Variants in SEC22B observed in about 807,000 individuals in gnomAD.
SEC22B encodes SEC22 homolog B, vesicle trafficking protein, also known as vesicle-trafficking protein SEC22b.
A neutral mutation model predicts 31.4 loss-of-function variants in SEC22B; 10 were observed. The observed-to-expected ratio is 0.32, with a 90% CI of 0.20 to 0.54. The LOEUF is 0.54. SEC22B is among the 20% of genes least tolerant of loss of function. The pLI is 0.94. For missense variants in SEC22B, 130 were observed against 263.4 expected, an observed-to-expected ratio of 0.49 and a Z score of 3.50; for synonymous variants, 60 against 95.9, an observed-to-expected ratio of 0.63 and a Z score of 2.19.
Position 120,161,224 on chromosome 1 carries a change from G to A in SEC22B, c.347-694C>T, listed in dbSNP as rs1557893802. On this transcript the variant is annotated intron_variant, in intron 3 of 4. Coordinates refer to ENST00000578049, the MANE Select transcript of SEC22B (RefSeq NM_004892.6). ...ACCTCTACACATTCCTTAAAAGGAT[G>A]CTGGTAACACTCTAGCATTATTACA... 2.0e-5 allele frequency among the ~76,000 whole-genome samples: 3 copies of A among 152,148 alleles called. No homozygotes were observed. In the South Asian group the frequency reaches 6.2e-4, roughly 32 times the overall value.
Position 120,176,494 on chromosome 1 carries a change from G to T in SEC22B, c.-113C>A. The stretch of plus-strand genomic sequence containing the variant: ...TGTCTCAGTTACCGGAGATCCAGCT[G>T]CTTGCGTCTCCGCTTCCCGCTGAGG... On this transcript the variant is annotated 5_prime_UTR_variant, in exon 1 of 5. Transcript: ENST00000578049. 6 of 935,578 alleles carry T rather than the reference G, an allele frequency of 6.4e-6. No individual in the cohort carries two copies. Among genetic ancestry groups the T allele is most frequent in the East Asian group, 2.7e-5 (1 of 36,468 alleles). The allele number at this position is 935,578 out of a possible 1,614,324, so 58.0% of individuals were successfully genotyped here.
chr1:120,167,742 C>T (rs1657834702), intron 2 of SEC22B, among the ~76,000 whole-genome samples: 1 of 151,958 alleles, frequency 6.6e-6, no homozygotes, highest in Non-Finnish European at 1.5e-5. Context: ...CTTAATAGCT[C>T]TTGGATGGAA....
In SEC22B at chr1:120,150,969, A is replaced by T. The variant is rs1207921307; in HGVS notation, c.*6069T>A. On this transcript the variant is annotated 3_prime_UTR_variant, in exon 5 of 5. Coordinates refer to ENST00000578049, the MANE Select transcript of SEC22B (RefSeq NM_004892.6). ...CAACTCACTCTCTTGGGAACTAACC[A>T]TTCCCAGGAGAACCCAGTCTCAGTG... The T allele has an allele frequency of 2.0e-5, 3 of 152,200 alleles. No homozygotes were observed. The highest frequency in any genetic ancestry group is 4.4e-5 in the Non-Finnish European group (3 of 68,018). 9.4% of individuals were successfully genotyped at this position (152,200 alleles called of 1,614,324 possible). A position where few individuals can be genotyped will look rare whatever the true frequency, so the allele number is the denominator to read the frequency against.
chr1:120,163,720 C>T (rs1347388920), intron 2 of SEC22B, among the ~76,000 whole-genome samples: 11 of 151,818 alleles, frequency 7.2e-5, no homozygotes, highest in Admixed American at 2.6e-4. Context: ...GGACTACAGG[C>T]GTGCGCCACT....
At chr1:120,163,934 C>T (rs1657760542) in intron 2 of SEC22B, among the ~76,000 whole-genome samples, 1 of 140,744 alleles carries the variant, frequency 7.1e-6, no homozygotes, top group Non-Finnish European at 1.5e-5. Context: ...ATTTTTCATC[C>T]ATTAGATTCT....
intron 1 of SEC22B, among the ~76,000 whole-genome samples, chr1:120,176,087 A>G (rs1403218059): frequency 2.0e-5 from 3 of 152,194 alleles, no homozygotes; most frequent in Non-Finnish European, 2.9e-5. Context: ...GCGTTTTTCT[A>G]AAGAGAAACA....
At position 120,163,386 on chromosome 1, in the gene SEC22B, A is replaced by C. The variant is rs1657750842; in HGVS notation, c.186-16T>G. 45 of 1,508,954 alleles carry C rather than the reference A, an allele frequency of 3.0e-5. No individual in the cohort carries two copies. Among genetic ancestry groups the C allele is most frequent in the Non-Finnish European group, 3.9e-5 (44 of 1,124,012 alleles). The allele number at this position is 1,508,954 out of a possible 1,614,324, so 93.5% of individuals were successfully genotyped here. A position where few individuals can be genotyped will look rare whatever the true frequency, so the allele number is the denominator to read the frequency against. The stretch of plus-strand genomic sequence containing the variant: ...AATAATGTAGCTGGTGAGACATAAA[A>C]AGCAAGACAAAGTTATCTGTAAAGT... On this transcript the variant is annotated splice_polypyrimidine_tract_variant and intron_variant, in intron 2 of 4. Coordinates refer to ENST00000578049, the MANE Select transcript of SEC22B (RefSeq NM_004892.6).
At chr1:120,162,994 T>C (rs1317227092) in intron 3 of SEC22B, among the ~76,000 whole-genome samples, 9 of 152,130 alleles carry the variant, frequency 5.9e-5, no homozygotes, top group Admixed American at 1.3e-4. Context: ...ACAATTTCTA[T>C]GGGGGAAAGA....
intron 4 of SEC22B, chr1:120,159,336 G>A (rs1657678311): frequency 6.6e-6 from 1 of 152,028 alleles, no homozygotes; most frequent in Non-Finnish European, 1.5e-5. Flanking sequence ...AGGATAAGGT[G>A]GGAAGATCGC....
rs1295404080 is a variant in SEC22B at position 120,152,400 on chromosome 1, T to C, written c.*4638A>G. The C allele has an allele frequency of 8.7e-5, 13 of 149,594 alleles. No individual in the cohort carries two copies. Among genetic ancestry groups the C allele is most frequent in the Admixed American group, 4.6e-4 (7 of 15,070 alleles). The allele number at this position is 149,594 out of a possible 1,614,324, so 9.3% of individuals were successfully genotyped here. ...AATTGTACCAGTACATTAACTCATA[T>C]GTCAAAACAACATCTAGAGAAACAA... On this transcript the variant is annotated 3_prime_UTR_variant, in exon 5 of 5. Transcript: ENST00000578049.
In SEC22B at chr1:120,157,179, C is replaced by T; in HGVS notation, c.507G>A (p.Lys169=). 2 of 1,440,208 alleles carry T rather than the reference C, an allele frequency of 1.4e-6. No homozygotes were observed. Among genetic ancestry groups the T allele is most frequent in the Non-Finnish European group, 1.9e-6 (2 of 1,078,098 alleles). The allele number at this position is 1,440,208 out of a possible 1,614,324, so 89.2% of individuals were successfully genotyped here. The change falls in exon 5 of 5, where the codon AAG becomes AAA. Residue 169 remains lysine, a synonymous_variant. Coordinates refer to ENST00000578049, the MANE Select transcript of SEC22B (RefSeq NM_004892.6). Reference sequence around the variant, plus strand: ...TGGACAGACTGGACAAATTGTTAGCCTTTGAATCCAATGCTGTCAAAGAGG... The same window carrying T: ...TGGACAGACTGGACAAATTGTTAGCTTTTGAATCCAATGCTGTCAAAGAGG... ...RGEALSALDS[K]ANNLSSLSKK...
chr1:120,167,818 T>C (rs1305893667), intron 2 of SEC22B, among the ~76,000 whole-genome samples: 1 of 152,168 alleles, frequency 6.6e-6, no homozygotes, highest in Non-Finnish European at 1.5e-5. Flanking sequence ...TCTTCTCAAT[T>C]CCATGAGAAC....
intron 2 of SEC22B, 84 bp downstream of exon 2, chr1:120,168,756 T>C: frequency 4.5e-6 from 2 of 448,628 alleles, no homozygotes; most frequent in Non-Finnish European, 7.0e-6. Flanking sequence ...TAATCTTTAC[T>C]TTTTAAAAAT....
chr1:120,163,462 T>G (rs1657751976), intron 2 of SEC22B, 92 bp from the exon 3 acceptor site: 6 of 835,286 alleles, frequency 7.2e-6, no homozygotes, highest in Non-Finnish European at 9.5e-6. Context: ...TGCAAACTTT[T>G]TAAAAAATCT....
rs1280862686 is a variant in SEC22B, at chr1:120,152,707, C to G, written c.*4331G>C. 1 of 139,084 alleles carries G rather than the reference C, an allele frequency of 7.2e-6. No individual in the cohort carries two copies. Among genetic ancestry groups the G allele is most frequent in the East Asian group, 2.0e-4 (1 of 4,916 alleles). The allele number at this position is 139,084 out of a possible 1,614,324, so 8.6% of individuals were successfully genotyped here. ...GATAATGAAGTAAATTTAAAAAGTA[C>G]GGAATAATAAAAAGAAATTGCAAAA... On this transcript the variant is annotated 3_prime_UTR_variant, in exon 5 of 5. Coordinates refer to ENST00000578049, the MANE Select transcript of SEC22B (RefSeq NM_004892.6).
chr1:120,160,587 G>C, intron 3 of SEC22B, 57 bp from the exon 4 acceptor site: 3 of 1,482,106 alleles, frequency 2.0e-6, no homozygotes. Context: ...TACTGAGGTA[G>C]GAGATTAAAA....
At chr1:120,176,256 A>G in intron 1 of SEC22B, 51 bp downstream of exon 1, 1 of 1,562,532 alleles carries the variant, frequency 6.4e-7, no homozygotes. Flanking sequence ...TGCTGAGGGC[A>G]AAGCGCGCTG....
At chr1:120,166,396 T>C (rs1361138155) in intron 2 of SEC22B, among the ~76,000 whole-genome samples, 5 of 143,674 alleles carry the variant, frequency 3.5e-5, no homozygotes, top group African/African-American at 5.2e-5. Flanking sequence ...AAGTGTTTTT[T>C]ACACACACAC....
At chr1:120,175,333 T>C (rs1313218805) in intron 1 of SEC22B, among the ~76,000 whole-genome samples, 1 of 99,164 alleles carries the variant, frequency 1.0e-5, no homozygotes, top group African/African-American at 4.2e-5. Context: ...GTAAAAATTT[T>C]TTGCATTAAT....
Sources: allele counts gnomAD v4.1 joint callset (sites outside exome capture counted in the v4.1 genomes callset), GRCh38; gene constraint gnomAD v4.1.1; transcripts MANE v1.5; gene names NCBI Gene and HGNC (gene_info 2026-07-23, HGNC 2026-07-21).